DLC1: variants seen among roughly 807,000 people sequenced by gnomAD.
The protein encoded by DLC1 is DLC1 Rho GTPase activating protein.
Under a neutral mutation model 140.3 loss-of-function variants are expected in DLC1, and 54 were observed. That is an observed-to-expected ratio of 0.38 (90% CI 0.31 to 0.48). DLC1 has a LOEUF of 0.48. DLC1 is among the 20% of genes least tolerant of loss of function. The pLI is 0.96. For synonymous variants in DLC1, 986 were observed against 728.1 expected (o/e 1.35, Z -5.70); for missense variants, 2,536 against 1,907.0 (o/e 1.33, Z -6.14).
chr8:13,602,538 A>T (rs994117977), intron 1 of DLC1, among the ~76,000 whole-genome samples: 3 of 151,898 alleles, frequency 2.0e-5, no homozygotes, highest in African/African-American at 7.2e-5. Context: ...GGTTTACATC[A>T]AAATACATGG....
rs560144105 is a variant in DLC1 at position 13,217,865 on chromosome 8, C to A, written c.1348+87404G>T. Among the ~76,000 whole-genome samples, 4 of 151,308 alleles carry A rather than the reference C, an allele frequency of 2.6e-5. 1 individual carries two copies. In the South Asian group the frequency reaches 8.4e-4, roughly 32 times the overall value. Reference sequence around the variant, plus strand: ...AAAAAAAACAACAACAAAAAAAAACCAACCAACTAAAAGTTGTTCTTTAAA... The same window carrying A: ...AAAAAAAACAACAACAAAAAAAAACAAACCAACTAAAAGTTGTTCTTTAAA... On this transcript the variant is annotated intron_variant, in intron 5 of 17. Coordinates refer to ENST00000276297, the MANE Select transcript of DLC1 (RefSeq NM_182643.3).
chr8:13,240,577 C>T (rs1330545877), intron 5 of DLC1, among the ~76,000 whole-genome samples: 1 of 152,090 alleles, frequency 6.6e-6, no homozygotes, highest in Admixed American at 6.5e-5. Flanking sequence ...AGGCACATGC[C>T]ACCACGCCCC....
chr8:13,126,407 G>A (rs182274244), intron 5 of DLC1, among the ~76,000 whole-genome samples: 65 of 127,912 alleles, frequency 5.1e-4, no homozygotes, highest in East Asian at 2.1e-3. Context: ...ACACGTGTAC[G>A]TATTTCTAGT....
intron 2 of DLC1, among the ~76,000 whole-genome samples, chr8:13,429,551 G>A (rs1453798713): frequency 6.6e-6 from 1 of 152,082 alleles, no homozygotes; most frequent in Non-Finnish European, 1.5e-5. Flanking sequence ...CTGTCATCAT[G>A]CAGCAGCAAG....
rs778484183 is a variant in DLC1 at position 13,088,478 on chromosome 8, A to C, written c.4292+9T>G. On this transcript the variant is annotated intron_variant, in intron 16 of 17. Coordinates refer to ENST00000276297, the MANE Select transcript of DLC1 (RefSeq NM_182643.3). Reference sequence around the variant, plus strand: ...CCTTGTCACAAAAAAACAACTGGGAAGCGCTCACCTTAAAACAACGTAGTC... The same window carrying C: ...CCTTGTCACAAAAAAACAACTGGGACGCGCTCACCTTAAAACAACGTAGTC... The C allele has an allele frequency of 1.0e-4, 163 of 1,613,854 alleles. No homozygotes were observed. The highest frequency in any genetic ancestry group is 5.2e-4 in the Admixed American group (31 of 59,976).
chr8:13,211,898 G>A (rs1445234162), intron 5 of DLC1, among the ~76,000 whole-genome samples: 2 of 152,134 alleles, frequency 1.3e-5, no homozygotes, highest in East Asian at 3.8e-4. Flanking sequence ...ACTGTGTATT[G>A]TATATGTCAG....
intron 5 of DLC1, among the ~76,000 whole-genome samples, chr8:13,176,858 G>C (rs1185307058): frequency 6.6e-6 from 1 of 152,112 alleles, no homozygotes; most frequent in Non-Finnish European, 1.5e-5. Flanking sequence ...AAATGAGATA[G>C]ACGACAAGGT....
intron 4 of DLC1, among the ~76,000 whole-genome samples, chr8:13,318,445 A>G (rs1264434720): frequency 1.3e-5 from 2 of 152,216 alleles, no homozygotes; most frequent in East Asian, 3.9e-4. Context: ...AGATCTCACC[A>G]TTAGTAAGTG....
chr8:13,270,229 C>G (rs1460356721), intron 5 of DLC1, among the ~76,000 whole-genome samples: 1 of 152,144 alleles, frequency 6.6e-6, no homozygotes, highest in East Asian at 1.9e-4. Flanking sequence ...TATGACCCTC[C>G]TACCAGGCCT....
At chr8:13,331,037 G>C (rs1833564928) in intron 4 of DLC1, among the ~76,000 whole-genome samples, 1 of 152,144 alleles carries the variant, frequency 6.6e-6, no homozygotes, top group Non-Finnish European at 1.5e-5. Flanking sequence ...CAAACCAGGA[G>C]GAGAAAAGCT....
chr8:13,308,426 C>T (rs1410013756), intron 4 of DLC1, among the ~76,000 whole-genome samples: 2 of 152,094 alleles, frequency 1.3e-5, no homozygotes, highest in Non-Finnish European at 2.9e-5. Flanking sequence ...GGATATTCCT[C>T]CAATGATTTA....
At chr8:13,603,908 T>C (rs1040132431) in intron 1 of DLC1, among the ~76,000 whole-genome samples, 2 of 152,100 alleles carry the variant, frequency 1.3e-5, no homozygotes, top group African/African-American at 4.8e-5. Flanking sequence ...GTAATATATT[T>C]CTCTTGGACT....
intron 5 of DLC1, among the ~76,000 whole-genome samples, chr8:13,294,760 G>C (rs765106900): frequency 1.3e-5 from 2 of 152,156 alleles, no homozygotes; most frequent in African/African-American, 2.4e-5. Flanking sequence ...GCGGCTAAGA[G>C]CATGCACCGT....
chr8:13,158,739 C>T lies in DLC1; in HGVS notation c.1349-43082G>A, dbSNP rs75355571. On this transcript the variant is annotated intron_variant, in intron 5 of 17. Transcript: ENST00000276297. ...ATGTTCACAACCACCACCCTCCCCCCCCCCCCCCGCCCGCCACACATCTCT... is the reference window on the plus strand; with the variant it reads ...ATGTTCACAACCACCACCCTCCCCCTCCCCCCCCGCCCGCCACACATCTCT... Among the ~76,000 whole-genome samples, 2 of 65,700 alleles carry T rather than the reference C, an allele frequency of 3.0e-5. 1 individual carries two copies. Among genetic ancestry groups the T allele is most frequent in the Non-Finnish European group, 6.4e-5 (2 of 31,356 alleles). 43.1% of individuals were successfully genotyped at this position (65,700 alleles called of 152,430 possible). A position where few individuals can be genotyped will look rare whatever the true frequency, so the allele number is the denominator to read the frequency against.
chr8:13,161,655 C>T lies in DLC1; in HGVS notation c.1349-45998G>A, dbSNP rs544360062. Among the ~76,000 whole-genome samples, 3 of 152,254 alleles carry T rather than the reference C, an allele frequency of 2.0e-5. No individual in the cohort carries two copies. The East Asian group carries it at 5.8e-4, about 29-fold the overall frequency. On this transcript the variant is annotated intron_variant, in intron 5 of 17. Transcript: ENST00000276297. ...CCTAACTTAAACTACTTTCCCTGTC[C>T]CTGCCCCTTCTGGTTTGAGGGTGAC... is the stretch of plus-strand genomic sequence containing the variant.
chr8:13,117,865 G>C (rs1305377649), intron 5 of DLC1, among the ~76,000 whole-genome samples: 1 of 152,226 alleles, frequency 6.6e-6, no homozygotes, highest in Non-Finnish European at 1.5e-5. Flanking sequence ...TTCATGCCAA[G>C]AGGCATGGAA....
intron 5 of DLC1, among the ~76,000 whole-genome samples, chr8:13,277,440 T>G (rs930676676): frequency 1.3e-5 from 2 of 152,232 alleles, no homozygotes; most frequent in Non-Finnish European, 2.9e-5. Flanking sequence ...GTTTTGCCCC[T>G]TAAAAAGTTT....
At chr8:13,148,303 G>A (rs758127759) in intron 5 of DLC1, among the ~76,000 whole-genome samples, 3 of 152,078 alleles carry the variant, frequency 2.0e-5, no homozygotes, top group Non-Finnish European at 4.4e-5. Flanking sequence ...CCCTCAAGTA[G>A]ACCTCAGTGT....
chr8:13,354,832 C>A (rs1488731597), intron 4 of DLC1, among the ~76,000 whole-genome samples: 1 of 151,022 alleles, frequency 6.6e-6, no homozygotes, highest in Non-Finnish European at 1.5e-5. Flanking sequence ...GCCTGTAATC[C>A]CAGCTGTTGG....
Sources: allele counts gnomAD v4.1 joint callset (sites outside exome capture counted in the v4.1 genomes callset), GRCh38; gene constraint gnomAD v4.1.1; transcripts MANE v1.5; gene names NCBI Gene and HGNC (gene_info 2026-07-23, HGNC 2026-07-21).